Variants in LHX2 observed in about 807,000 individuals in gnomAD.
The protein encoded by LHX2 is LIM/homeobox protein Lhx2.
LHX2 carries 6 observed loss-of-function variants against 33.0 expected under a neutral mutation model. That is an observed-to-expected ratio of 0.18 (90% CI 0.10 to 0.36). LHX2 has a LOEUF of 0.36. Among genes scored for constraint, LHX2 ranks in the 10% least tolerant of loss-of-function variants. The pLI is 1.00. For synonymous variants in LHX2, 292 were observed against 253.1 expected, an observed-to-expected ratio of 1.15 and a Z score of -1.46; for missense variants, 442 against 586.2, an observed-to-expected ratio of 0.75 and a Z score of 2.54.
At chr9:124,029,215 G>A (rs1828675395) in intron 4 of LHX2, among the ~76,000 whole-genome samples, 1 of 152,176 alleles carries the variant, frequency 6.6e-6, no homozygotes, top group South Asian at 2.1e-4. Flanking sequence ...ATAACCTGTG[G>A]CAGTGCATGC....
chr9:124,015,562 G>C lies in LHX2; in HGVS notation c.727+37G>C, dbSNP rs1446277078. 4 of 1,446,588 alleles carry C rather than the reference G, an allele frequency of 2.8e-6. No individual in the cohort carries two copies. The highest frequency in any genetic ancestry group is 2.9e-5 in the Admixed American group (1 of 34,782). 89.6% of individuals were successfully genotyped at this position (1,446,588 alleles called of 1,614,324 possible). ...GCGCACGAAGCGCCCCCATAGGGTTGGGGGAAAGTGTGCGGCCTCGACGGC... is the reference window on the plus strand; with the variant it reads ...GCGCACGAAGCGCCCCCATAGGGTTCGGGGAAAGTGTGCGGCCTCGACGGC... On this transcript the variant is annotated intron_variant, in intron 3 of 4. Coordinates refer to ENST00000373615, the MANE Select transcript of LHX2 (RefSeq NM_004789.4). The surrounding 1 kb of genome is among the most constrained non-coding windows in gnomAD (Gnocchi z 7.9).
chr9:124,025,877 C>G (rs183803448), intron 4 of LHX2, among the ~76,000 whole-genome samples: 1 of 151,348 alleles, frequency 6.6e-6, no homozygotes, highest in Non-Finnish European at 1.5e-5. Flanking sequence ...CCCAGGTACT[C>G]GGGAGGCTGA....
At chr9:124,024,833 G>C (rs912384848) in intron 4 of LHX2, among the ~76,000 whole-genome samples, 3 of 152,236 alleles carry the variant, frequency 2.0e-5, no homozygotes, top group Non-Finnish European at 2.9e-5. Context: ...CAGCTAGTAA[G>C]TGATGAAGCC....
intron 4 of LHX2, among the ~76,000 whole-genome samples, chr9:124,023,805 G>T (rs1828559733): frequency 1.3e-5 from 2 of 152,138 alleles, no homozygotes; most frequent in African/African-American, 2.4e-5. Flanking sequence ...AACAAACCAT[G>T]GTCCTGGCCC....
Position 124,012,488 on chromosome 9 carries a change from G to A in LHX2, c.120+20G>A. ...GAGACGGTAGGCGCGCGGCTGTGGG[G>A]TCGGGGCTGAGAGCTGGGATGGGGC... On this transcript the variant is annotated intron_variant, in intron 1 of 4. Transcript: ENST00000373615. The surrounding 1 kb of genome is among the most constrained non-coding windows in gnomAD (Gnocchi z 4.3). 1.3e-6 allele frequency: 2 copies of A among 1,534,640 alleles called. No individual in the cohort carries two copies. Among genetic ancestry groups the A allele is most frequent in the African/African-American group, 1.4e-5 (1 of 71,410 alleles).
intron 1 of LHX2, 133 bp from the exon 2 acceptor site, chr9:124,013,828 C>T: frequency 2.6e-6 from 2 of 773,074 alleles, no homozygotes; most frequent in Non-Finnish European, 2.1e-6. Context: ...AAGCGCGCCG[C>T]ATGTCCTGGC....
chr9:124,012,334 G>T lies in LHX2; in HGVS notation c.-15G>T. ...TCGGAGGAGCCGCGCCCCCGGCCCC[G>T]CCGGTCCCGCCGCGATGCTGTTCCA... On this transcript the variant is annotated 5_prime_UTR_variant, in exon 1 of 5. Transcript: ENST00000373615. This position sits in a 1 kb window ranked among gnomAD's most constrained non-coding sequence, Gnocchi z 4.3. 1 of 1,485,284 alleles carries T rather than the reference G, an allele frequency of 6.7e-7. No homozygotes were observed. Among genetic ancestry groups the T allele is most frequent in the Non-Finnish European group, 8.9e-7 (1 of 1,122,184 alleles). The allele number at this position is 1,485,284 out of a possible 1,614,324, so 92.0% of individuals were successfully genotyped here.
In LHX2 at chr9:124,032,619, T is replaced by C; in HGVS notation, c.1133T>C (p.Val378Ala). 1 of 1,614,172 alleles carries C rather than the reference T, an allele frequency of 6.2e-7. No individual in the cohort carries two copies. Among genetic ancestry groups the C allele is most frequent in the Non-Finnish European group, 8.5e-7 (1 of 1,180,016 alleles). The stretch of plus-strand genomic sequence containing the variant: ...TTGACTAGCCCCACCCTGCCAACTG[T>C]GACGTCCGTCTTAACTTCTGTGCCT... ...TDLTSPTLPT[V>A]TSVLTSVPGN... Residue 378 changes from valine to alanine, a missense_variant, in exon 5 of 5, where the codon GTG (valine) becomes GCG (alanine). By Grantham distance (64) the Val-to-Ala change is moderately conservative. Around this residue, in one of 5 missense-constraint regions of LHX2, gnomAD observed 109 missense variants for 98.7 expected, o/e 1.10. Transcript: ENST00000373615. The surrounding 1 kb of genome is among the most constrained non-coding windows in gnomAD (Gnocchi z 4.1).
At chr9:124,024,851 G>A (rs1024114178) in intron 4 of LHX2, among the ~76,000 whole-genome samples, 4 of 152,188 alleles carry the variant, frequency 2.6e-5, no homozygotes, top group African/African-American at 9.7e-5. Flanking sequence ...GCCAGGAGTC[G>A]AGTTCAGATT....
At chr9:124,020,146 C>T (rs1859267135) in intron 3 of LHX2, among the ~76,000 whole-genome samples, 1 of 152,194 alleles carries the variant, frequency 6.6e-6, no homozygotes, top group African/African-American at 2.4e-5. Flanking sequence ...GCTTCATTTC[C>T]CTTAGCGTTA....
chr9:124,019,912 T>A (rs1366160229), intron 3 of LHX2, among the ~76,000 whole-genome samples: 12 of 152,214 alleles, frequency 7.9e-5, no homozygotes. Flanking sequence ...TCCAGGTGGC[T>A]GAGCAATTTT....
chr9:124,017,839 C>T (rs1362755096), intron 3 of LHX2, among the ~76,000 whole-genome samples: 1 of 152,080 alleles, frequency 6.6e-6, no homozygotes, highest in Non-Finnish European at 1.5e-5. Context: ...GCGGCCTCTT[C>T]CCGCAGCCCC....
Position 124,014,781 on chromosome 9 carries a change from G to A in LHX2, c.324-341G>A, listed in dbSNP as rs1270617589. ...TCTTCCAAATTATAAAAGTCAGTAG[G>A]ATTCCCAGGCGCTGGTTTGGAGGGA... On this transcript the variant is annotated intron_variant, in intron 2 of 4. Coordinates refer to ENST00000373615, the MANE Select transcript of LHX2 (RefSeq NM_004789.4). The surrounding 1 kb of genome is among the most constrained non-coding windows in gnomAD (Gnocchi z 4.8). 1.3e-5 allele frequency among the ~76,000 whole-genome samples: 2 copies of A among 152,152 alleles called. No homozygotes were observed. The highest frequency in any genetic ancestry group is 4.8e-5 in the African/African-American group (2 of 41,430).
intron 4 of LHX2, among the ~76,000 whole-genome samples, chr9:124,024,539 T>A (rs1472112483): frequency 1.3e-5 from 2 of 152,264 alleles, no homozygotes; most frequent in African/African-American, 2.4e-5. Flanking sequence ...TCTCTGAGCC[T>A]GATGCCTTAT....
chr9:124,032,575 G>A lies in LHX2; in HGVS notation c.1089G>A (p.Thr363=), dbSNP rs368045815. 1.2e-5 allele frequency: 19 copies of A among 1,614,048 alleles called. No homozygotes were observed. In the African/African-American group the frequency reaches 1.7e-4, roughly 15 times the overall value. Residue 363 remains threonine (T), a synonymous_variant, in exon 5 of 5, where the codon ACG becomes ACA. Transcript: ENST00000373615. The surrounding 1 kb of genome is among the most constrained non-coding windows in gnomAD (Gnocchi z 4.1). ...ACGCCTCGCTCAGCCCCTCCAGCAC[G>A]CCCACCACCCTGACAGACTTGACTA... The part of the protein sequence containing the change: ...LSNASLSPSS[T]PTTLTDLTSP...
intron 4 of LHX2, among the ~76,000 whole-genome samples, chr9:124,028,509 A>C (rs1828662151): frequency 6.6e-6 from 1 of 152,168 alleles, no homozygotes; most frequent in African/African-American, 2.4e-5. Flanking sequence ...AGATCGTATG[A>C]TGTGGTCTAA....
intron 4 of LHX2, among the ~76,000 whole-genome samples, chr9:124,024,385 G>A (rs371686711): frequency 2.0e-5 from 3 of 152,258 alleles, no homozygotes; most frequent in South Asian, 4.1e-4. Context: ...TTGCCCCCAG[G>A]TGCCCTGAAT....
chr9:124,014,020 C>T lies in LHX2; in HGVS notation c.180C>T (p.Ile60=). ...AALCAGCGGK[I]SDRYYLLAVD... ...TGTGCGCCGGCTGCGGGGGCAAGAT[C>T]TCGGACCGCTACTACCTGCTGGCGG... The change falls in exon 2 of 5, where the codon ATC becomes ATT. Residue 60 remains isoleucine (I), a synonymous_variant. Coordinates refer to ENST00000373615, the MANE Select transcript of LHX2 (RefSeq NM_004789.4). This position sits in a 1 kb window ranked among gnomAD's most constrained non-coding sequence, Gnocchi z 4.8. 1.2e-6 allele frequency: 2 copies of T among 1,613,598 alleles called. No homozygotes were observed. The highest frequency in any genetic ancestry group is 1.7e-6 in the Non-Finnish European group (2 of 1,180,034).
At position 124,015,378 on chromosome 9, in the gene LHX2, G is replaced by C; in HGVS notation, c.580G>C (p.Ala194Pro). The change falls in exon 3 of 5, where the codon GCG becomes CCG. Residue 194 changes from alanine to proline, a missense_variant. Ala to Pro is a conservative substitution (Grantham distance 27). Transcript: ENST00000373615. The surrounding 1 kb of genome is among the most constrained non-coding windows in gnomAD (Gnocchi z 7.9). ...CGTGGCAGCGGCGGCCGCTGCAGCC[G>C]CGGCGGCCAAGAGCGCGGGGCTGGG... Reference protein sequence around the residue: ...ADVAAAAAAAAAAKSAGLGAA... With the variant: ...ADVAAAAAAAPAAKSAGLGAA... 3.1e-6 allele frequency: 5 copies of C among 1,609,974 alleles called. No homozygotes were observed. The highest frequency in any genetic ancestry group is 4.2e-6 in the Non-Finnish European group (5 of 1,178,016).
Sources: gnomAD v4.1 joint callset for allele counts (sites outside exome capture counted in the v4.1 genomes callset) on GRCh38, gnomAD v4.1.1 for gene constraint, gnomAD v4.1.1 regional missense constraint, Gnocchi (gnomAD v3.1) non-coding constraint, MANE v1.5 for transcripts, NCBI Gene and HGNC (gene_info 2026-07-23, HGNC 2026-07-21) for gene names.